BTAF1: variants seen among roughly 807,000 people sequenced by gnomAD.
BTAF1 encodes the protein TATA-binding protein-associated factor 172.
A neutral mutation model predicts 227.1 loss-of-function variants in BTAF1; 38 were observed. That is an observed-to-expected ratio of 0.17 (90% CI 0.13 to 0.22). The LOEUF (loss-of-function observed/expected upper bound fraction) is 0.22, where lower values mean the gene tolerates loss of function less well. Among genes scored for constraint, BTAF1 ranks in the 10% least tolerant of loss-of-function variants. BTAF1 has a pLI of 1.00. For missense variants in BTAF1, 1,598 were observed against 2,204.0 expected (o/e 0.73, Z 5.51); for synonymous variants, 742 against 751.9 (o/e 0.99, Z 0.21).
chr10:91,972,000 C>A (rs1847339914), intron 14 of BTAF1, among the ~76,000 whole-genome samples: 1 of 152,088 alleles, frequency 6.6e-6, no homozygotes, highest in Non-Finnish European at 1.5e-5. Context: ...CCTACTTCTG[C>A]CTTCTGTGTA....
intron 8 of BTAF1, 27 bp downstream of exon 8, chr10:91,957,320 T>G (rs1846172276): frequency 1.3e-6 from 2 of 1,567,742 alleles, no homozygotes; most frequent in Non-Finnish European, 1.8e-6. Flanking sequence ...ACAGTTTTTC[T>G]CAGCTCTATT....
In BTAF1 at chr10:92,029,065, G is replaced by A. The variant is rs2134198336; in HGVS notation, c.*132G>A. ...TCTGGAGAATATTCAGCATAATGCT[G>A]GCTCTTGTTTCACTGGGGGAAACAA... On this transcript the variant is annotated 3_prime_UTR_variant, in exon 38 of 38. Transcript: ENST00000265990. The A allele has an allele frequency of 1.3e-6, 1 of 781,322 alleles. No homozygotes were observed. The highest frequency in any genetic ancestry group is 1.9e-6 in the Non-Finnish European group (1 of 527,088). The allele number at this position is 781,322 out of a possible 1,614,324, so 48.4% of individuals were successfully genotyped here.
rs1185970451 is a variant in BTAF1 at position 91,999,415 on chromosome 10, G to A, written c.3660+1664G>A. 7.3e-5 allele frequency among the ~76,000 whole-genome samples: 11 copies of A among 151,360 alleles called. No homozygotes were observed. In the South Asian group the frequency reaches 1.0e-3, roughly 14 times the overall value. On this transcript the variant is annotated intron_variant, in intron 25 of 37. Transcript: ENST00000265990. ...TTTCAAGACTTTTTTTTTTTGAGACGGACTTTTGCTCTTGTTGCAACCAGG... is the reference window on the plus strand; with the variant it reads ...TTTCAAGACTTTTTTTTTTTGAGACAGACTTTTGCTCTTGTTGCAACCAGG...
intron 14 of BTAF1, among the ~76,000 whole-genome samples, chr10:91,974,550 G>A (rs1392598201): frequency 6.6e-6 from 1 of 152,090 alleles, no homozygotes; most frequent in Non-Finnish European, 1.5e-5. Context: ...CATGAAGTAG[G>A]TACTCTTAAG....
At chr10:91,983,481 G>C (rs964163540) in intron 18 of BTAF1, among the ~76,000 whole-genome samples, 1 of 152,200 alleles carries the variant, frequency 6.6e-6, no homozygotes, top group Non-Finnish European at 1.5e-5. Context: ...TGACACCCCT[G>C]CTTGGCCTCT....
chr10:91,971,988 T>C (rs563449636), intron 14 of BTAF1, among the ~76,000 whole-genome samples: 1 of 152,344 alleles, frequency 6.6e-6, no homozygotes, highest in Non-Finnish European at 1.5e-5. Flanking sequence ...TCTTCTAATT[T>C]ACCTACTTCT....
intron 19 of BTAF1, among the ~76,000 whole-genome samples, chr10:91,987,112 C>CTTTTT (rs11347841): frequency 8.7e-6 from 1 of 114,972 alleles, no homozygotes. Flanking sequence ...CAAAAACTGG[C>CTTTTT]TTTTTTTTTT....
intron 14 of BTAF1, among the ~76,000 whole-genome samples, chr10:91,974,716 G>C (rs536173784): frequency 2.0e-5 from 3 of 152,106 alleles, no homozygotes; most frequent in Non-Finnish European, 2.9e-5. Context: ...GCCAGGAGTC[G>C]TGGTGGGTGC....
intron 25 of BTAF1, among the ~76,000 whole-genome samples, chr10:92,002,445 A>T (rs1000890764): frequency 3.3e-5 from 5 of 152,188 alleles, no homozygotes; most frequent in African/African-American, 7.2e-5. Context: ...CACTGAAACA[A>T]TATTCGTAAC....
At chr10:91,991,789 GTGTGTGTGTATATATATATATATATATA>G (rs1329685930) in intron 20 of BTAF1, among the ~76,000 whole-genome samples, 1 of 77,840 alleles carries the variant, frequency 1.3e-5, no homozygotes, top group Admixed American at 1.4e-4. Context: ...GTGTGTGTGT[GTGTGTGTGTATATATATATATATATATA>G]TATATATATA....
intron 8 of BTAF1, among the ~76,000 whole-genome samples, chr10:91,957,508 T>G (rs973467641): frequency 6.6e-6 from 1 of 152,258 alleles, no homozygotes; most frequent in Non-Finnish European, 1.5e-5. Flanking sequence ...GTTTATTTCT[T>G]TTCGTTCTTT....
chr10:92,027,088 C>T, intron 36 of BTAF1, 42 bp from the exon 37 acceptor site: 1 of 1,572,160 alleles, frequency 6.4e-7, no homozygotes, highest in South Asian at 1.2e-5. Flanking sequence ...AACCTCAAAG[C>T]ATAATATGTG....
At chr10:91,995,506 T>C (rs1371116543) in intron 23 of BTAF1, among the ~76,000 whole-genome samples, 5 of 151,836 alleles carry the variant, frequency 3.3e-5, no homozygotes, top group Admixed American at 2.6e-4. Flanking sequence ...GAAACCCCCA[T>C]CTCTACTAAA....
At chr10:91,936,348 A>G (rs567621975) in intron 2 of BTAF1, among the ~76,000 whole-genome samples, 1 of 150,388 alleles carries the variant, frequency 6.6e-6, no homozygotes, top group South Asian at 2.1e-4. Context: ...GTGCAGAGTA[A>G]AGCAGGAGTG....
intron 28 of BTAF1, among the ~76,000 whole-genome samples, chr10:92,010,432 C>A (rs1277222766): frequency 6.6e-6 from 1 of 152,180 alleles, no homozygotes; most frequent in Non-Finnish European, 1.5e-5. Flanking sequence ...TTGAGAATTT[C>A]AGGGGCAGAT....
chr10:92,018,313 C>T (rs928216661), intron 33 of BTAF1, among the ~76,000 whole-genome samples: 2 of 152,144 alleles, frequency 1.3e-5, no homozygotes, highest in African/African-American at 4.8e-5. Context: ...GAACTCCTGA[C>T]CTCAGGATCC....
intron 20 of BTAF1, 129 bp from the exon 21 acceptor site, chr10:91,991,990 A>G (rs184069062): frequency 1.8e-4 from 113 of 632,712 alleles, no homozygotes; most frequent in African/African-American, 1.6e-3. Context: ...TCTAAGGAAA[A>G]TGTCATTGGC....
At chr10:91,938,098 C>A (rs1844757814) in intron 2 of BTAF1, among the ~76,000 whole-genome samples, 1 of 152,178 alleles carries the variant, frequency 6.6e-6, no homozygotes, top group Non-Finnish European at 1.5e-5. Flanking sequence ...TGTATATCTT[C>A]TTTGGAGAAA....
At position 92,008,106 on chromosome 10, in the gene BTAF1, T is replaced by TA. The variant is rs748207799; in HGVS notation, c.3661-10dup. On this transcript the variant is annotated splice_polypyrimidine_tract_variant and intron_variant, in intron 25 of 37. Transcript: ENST00000265990. Reference sequence around the variant, plus strand: ...GTGAGTACGTAGTTTTTAATAACTTTAAAAAAATCATTTTAGGCAGGCATT... The same window carrying TA: ...GTGAGTACGTAGTTTTTAATAACTTTAAAAAAAATCATTTTAGGCAGGCATT... 1.7e-5 allele frequency: 26 copies of TA among 1,563,284 alleles called. No homozygotes were observed. Among genetic ancestry groups the TA allele is most frequent in the Non-Finnish European group, 2.2e-5 (26 of 1,166,282 alleles).
Sources: gnomAD v4.1 joint callset for allele counts (sites outside exome capture counted in the v4.1 genomes callset) on GRCh38, gnomAD v4.1.1 for gene constraint, MANE v1.5 for transcripts, NCBI Gene and HGNC (gene_info 2026-07-23, HGNC 2026-07-21) for gene names.